Variants in TGM2 observed in about 807,000 individuals in gnomAD.
TGM2 encodes protein-glutamine gamma-glutamyltransferase 2.
TGM2 carries 53 observed loss-of-function variants against 75.6 expected under a neutral mutation model. That is an observed-to-expected ratio of 0.70 (90% confidence interval 0.56 to 0.88). The LOEUF (loss-of-function observed/expected upper bound fraction) is 0.88, where lower values mean the gene tolerates loss of function less well. Ranked by LOEUF, TGM2 falls within the 40% of genes least tolerant of loss-of-function variation. The pLI is 0.00. For synonymous variants in TGM2, 374 were observed against 381.1 expected, an observed-to-expected ratio of 0.98 and a Z score of 0.22; for missense variants, 842 against 928.5, an observed-to-expected ratio of 0.91 and a Z score of 1.21.
Position 38,131,380 on chromosome 20 carries a change from T to C in TGM2, c.1777-151A>G. The C allele has an allele frequency of 3.4e-6, 4 of 1,161,222 alleles. No individual in the cohort carries two copies. In the Admixed American group the frequency reaches 8.1e-5, roughly 24 times the overall value. 71.9% of individuals were successfully genotyped at this position (1,161,222 alleles called of 1,614,324 possible). The stretch of plus-strand genomic sequence containing the variant: ...CCTCCCCCCACCTCTGTGCCTCAGT[T>C]TCTTCATCGGGAAAACACCGATTGT... On this transcript the variant is annotated intron_variant, in intron 11 of 12. Coordinates refer to ENST00000361475, the MANE Select transcript of TGM2 (RefSeq NM_004613.4).
At chr20:38,138,730 A>C (rs1267194756) in intron 9 of TGM2, among the ~76,000 whole-genome samples, 2 of 152,196 alleles carry the variant, frequency 1.3e-5, no homozygotes, top group Non-Finnish European at 2.9e-5. Flanking sequence ...TGCTTGGTGC[A>C]TACTAGGCAC....
rs977389759 is a variant in TGM2, at chr20:38,127,690, G to A, written c.*2529C>T. The A allele has an allele frequency of 6.6e-6, 1 of 152,032 alleles. No homozygotes were observed. Among genetic ancestry groups the A allele is most frequent in the African/African-American group, 2.4e-5 (1 of 41,384 alleles). The allele number at this position is 152,032 out of a possible 1,614,324, so 9.4% of individuals were successfully genotyped here. On this transcript the variant is annotated 3_prime_UTR_variant, in exon 13 of 13. Transcript: ENST00000361475. Reference sequence around the variant, plus strand: ...CAAAGATTGAGTACAAAAATAAGAAGGTCAAATACCTTACTAATTCTTATA... The same window carrying A: ...CAAAGATTGAGTACAAAAATAAGAAAGTCAAATACCTTACTAATTCTTATA...
chr20:38,152,014 G>T (rs1473651164), intron 3 of TGM2, among the ~76,000 whole-genome samples: 1 of 152,180 alleles, frequency 6.6e-6, no homozygotes, highest in East Asian at 1.9e-4. Flanking sequence ...TGAGCCCCAG[G>T]CACTCTTGAC....
intron 3 of TGM2, among the ~76,000 whole-genome samples, chr20:38,151,487 G>T (rs1427568601): frequency 6.6e-6 from 1 of 152,200 alleles, no homozygotes; most frequent in African/African-American, 2.4e-5. Flanking sequence ...CTTGCTGTGT[G>T]ACCCTGGGTA....
In TGM2 at chr20:38,128,008, G is replaced by A. The variant is rs1478888754; in HGVS notation, c.*2211C>T. ...GATAGGATGGAGAAGGGGACAGATA[G>A]GCCAACGTGGAAGTAAAATTTACTG... is the stretch of plus-strand genomic sequence containing the variant. On this transcript the variant is annotated 3_prime_UTR_variant, in exon 13 of 13. Transcript: ENST00000361475. The A allele has an allele frequency of 1.3e-5, 2 of 152,208 alleles. No individual in the cohort carries two copies. Among genetic ancestry groups the A allele is most frequent in the African/African-American group, 4.8e-5 (2 of 41,448 alleles). The allele number at this position is 152,208 out of a possible 1,614,324, so 9.4% of individuals were successfully genotyped here. A position where few individuals can be genotyped will look rare whatever the true frequency, so the allele number is the denominator to read the frequency against.
chr20:38,150,122 C>G (rs2122926455), intron 4 of TGM2, among the ~76,000 whole-genome samples: 1 of 152,292 alleles, frequency 6.6e-6, no homozygotes, highest in South Asian at 2.1e-4. Flanking sequence ...GTTTTCCCAG[C>G]AGAGTCTCAA....
At position 38,141,309 on chromosome 20, in the gene TGM2, C is replaced by G; in HGVS notation, c.1072G>C (p.Asp358His). The G allele has an allele frequency of 6.3e-7, 1 of 1,585,306 alleles. No homozygotes were observed. Among genetic ancestry groups the G allele is most frequent in the Non-Finnish European group, 8.6e-7 (1 of 1,165,732 alleles). Residue 358 changes from aspartate (D) to histidine (H), a missense_variant, in exon 8 of 13, where the codon GAC becomes CAC. Transcript: ENST00000361475. ...TCGCTCTTCTCCTGGGGCGTTGGGT[C>G]CAGGGCCTGCCAGCCCTCGTACCCC... Reference protein sequence around the residue: ...QPGYEGWQALDPTPQEKSEGT... With the variant: ...QPGYEGWQALHPTPQEKSEGT...
chr20:38,147,970 C>T lies in TGM2; in HGVS notation c.672G>A (p.Val224=), dbSNP rs776760410. The T allele has an allele frequency of 1.2e-6, 2 of 1,611,104 alleles. No homozygotes were observed. Among genetic ancestry groups the T allele is most frequent in the Non-Finnish European group, 1.7e-6 (2 of 1,179,302 alleles). The change falls in exon 5 of 13, where the codon GTG becomes GTA. Residue 224 remains valine, a synonymous_variant. Transcript: ENST00000361475. The part of the protein sequence containing the change: ...RSSPVYVGRV[V]SGMVNCNDDQ... The stretch of plus-strand genomic sequence containing the variant: ...CATGCCACTCACTCACCATGCCACT[C>T]ACCACCCGGCCCACGTAGACGGGGC...
At chr20:38,160,532 C>T (rs1179596691) in intron 2 of TGM2, among the ~76,000 whole-genome samples, 1 of 152,180 alleles carries the variant, frequency 6.6e-6, no homozygotes, top group Non-Finnish European at 1.5e-5. Context: ...ATGATGAAAC[C>T]TCAGAGGCTC....
intron 8 of TGM2, among the ~76,000 whole-genome samples, chr20:38,139,899 T>C (rs761037760): frequency 7.9e-5 from 12 of 152,332 alleles, no homozygotes; most frequent in Non-Finnish European, 1.6e-4. Flanking sequence ...GGCCAGTCAC[T>C]AACTTCTCGA....
At chr20:38,138,518 C>T (rs1183079257) in intron 9 of TGM2, 133 bp from the exon 10 acceptor site, 1 of 1,535,078 alleles carries the variant, frequency 6.5e-7, no homozygotes, top group Non-Finnish European at 8.8e-7. Context: ...CTCTACATTT[C>T]TGGGCCAGAA....
At chr20:38,158,673 G>A (rs1027945147) in intron 2 of TGM2, among the ~76,000 whole-genome samples, 1 of 152,180 alleles carries the variant, frequency 6.6e-6, no homozygotes, top group Non-Finnish European at 1.5e-5. Context: ...GGAGTCTGTC[G>A]GGTCTCAAAC....
At chr20:38,132,987 C>A (rs966481288) in intron 10 of TGM2, 1 of 390,632 alleles carries the variant, frequency 2.6e-6, no homozygotes, top group Non-Finnish European at 5.2e-6. Context: ...CGGGCTCCTA[C>A]TTCACCTACA....
intron 1 of TGM2, among the ~76,000 whole-genome samples, chr20:38,164,069 T>C (rs939289432): frequency 2.6e-5 from 4 of 152,228 alleles, no homozygotes; most frequent in Admixed American, 6.5e-5. Context: ...AGGCTCATCA[T>C]AACTGGCATC....
At chr20:38,137,476 AC>A (rs1463713248) in intron 10 of TGM2, among the ~76,000 whole-genome samples, 1 of 152,130 alleles carries the variant, frequency 6.6e-6, no homozygotes, top group East Asian at 1.9e-4. Flanking sequence ...AAACAAGCAA[AC>A]AAACAAACAA....
intron 6 of TGM2, among the ~76,000 whole-genome samples, chr20:38,142,893 C>A (rs2074993652): frequency 6.6e-6 from 1 of 152,248 alleles, no homozygotes; most frequent in South Asian, 2.1e-4. Context: ...TCTGCCTCTG[C>A]CAGCTTCAAG....
chr20:38,141,451 G>T, intron 7 of TGM2, 66 bp from the exon 8 acceptor site: 1 of 1,200,134 alleles, frequency 8.3e-7, no homozygotes, highest in Non-Finnish European at 1.2e-6. Flanking sequence ...CCTCCCACGG[G>T]CAGACCATGC....
At chr20:38,135,328 C>T (rs946448891) in intron 10 of TGM2, among the ~76,000 whole-genome samples, 1 of 151,996 alleles carries the variant, frequency 6.6e-6, no homozygotes, top group African/African-American at 2.4e-5. Flanking sequence ...GACTGGGTCT[C>T]CAATGTCAAG....
chr20:38,153,528 A>AAAAAAAAAAAAAAAAAAAAAAGAAAAG (rs56670550), intron 3 of TGM2, among the ~76,000 whole-genome samples: 2 of 125,244 alleles, frequency 1.6e-5, no homozygotes, highest in African/African-American at 3.4e-5. Flanking sequence ...TGGTCTCAAA[A>AAAAAAAAAAAAAAAAAAAAAAGAAAAG]AAAAGAAAAA....
Sources: gnomAD v4.1 joint callset for allele counts (sites outside exome capture counted in the v4.1 genomes callset) on GRCh38, gnomAD v4.1.1 for gene constraint, MANE v1.5 for transcripts, NCBI Gene and HGNC (gene_info 2026-07-23, HGNC 2026-07-21) for gene names.